The following KCNJ16 variants were observed in gnomAD, a reference collection of about 807,000 sequenced individuals.
The protein encoded by KCNJ16 is potassium inwardly rectifying channel subfamily J member 16.
A neutral mutation model predicts 18.5 loss-of-function variants in KCNJ16; 15 were observed. The observed-to-expected ratio is 0.81, with a 90% confidence interval of 0.54 to 1.25. KCNJ16 has a LOEUF of 1.25. Among genes scored for constraint, KCNJ16 ranks in the 50% most tolerant of loss-of-function variants. The pLI, the probability that KCNJ16 is intolerant of heterozygous loss-of-function variation, is 0.00. For missense variants in KCNJ16, 523 were observed against 525.7 expected (o/e 0.99, Z 0.05); for synonymous variants, 174 against 186.5 (o/e 0.93, Z 0.55).
At chr17:70,079,225 A>C (rs1042089906) in intron 1 of KCNJ16, among the ~76,000 whole-genome samples, 15 of 152,198 alleles carry the variant, frequency 9.9e-5, no homozygotes, top group Admixed American at 8.5e-4. Flanking sequence ...AGTATGCCAG[A>C]ATAGGAAACT....
chr17:70,083,436 G>A (rs1197438997), intron 1 of KCNJ16, among the ~76,000 whole-genome samples: 1 of 151,606 alleles, frequency 6.6e-6, no homozygotes, highest in Non-Finnish European at 1.5e-5. Flanking sequence ...CAACGATGGG[G>A]TGCATATATG....
chr17:70,094,122 G>A (rs751841043), intron 1 of KCNJ16, among the ~76,000 whole-genome samples: 3 of 152,124 alleles, frequency 2.0e-5, no homozygotes, highest in Non-Finnish European at 4.4e-5. Flanking sequence ...AATGTCTCTT[G>A]TGCCCCAGAC....
intron 1 of KCNJ16, among the ~76,000 whole-genome samples, chr17:70,096,013 G>A (rs945558357): frequency 6.6e-6 from 1 of 150,850 alleles, no homozygotes; most frequent in Non-Finnish European, 1.5e-5. Flanking sequence ...CTCCCGAGTA[G>A]CTGGGACTAC....
Position 70,133,260 on chromosome 17 carries a change from T to G in KCNJ16, c.1173T>G (p.Thr391=), listed in dbSNP as rs755007473. The G allele has an allele frequency of 1.9e-6, 3 of 1,614,144 alleles. No individual in the cohort carries two copies. Among genetic ancestry groups the G allele is most frequent in the Non-Finnish European group, 2.5e-6 (3 of 1,180,020 alleles). Residue 391 remains threonine (T), a synonymous_variant, in exon 4 of 4, where the codon ACT becomes ACG. Transcript: ENST00000392671. ...SSCENPEETT[T]SATHEYRETP... Reference sequence around the variant, plus strand: ...GTGAAAACCCTGAGGAGACCACCACTTCCGCCACACATGAATATAGGGAAA... The same window carrying G: ...GTGAAAACCCTGAGGAGACCACCACGTCCGCCACACATGAATATAGGGAAA...
At chr17:70,121,439 T>A (rs2073635075) in intron 2 of KCNJ16, among the ~76,000 whole-genome samples, 1 of 152,168 alleles carries the variant, frequency 6.6e-6, no homozygotes. Context: ...ACCCCAGTGT[T>A]TGTTAGTGAA....
At chr17:70,098,310 C>A (rs894628172) in intron 1 of KCNJ16, among the ~76,000 whole-genome samples, 19 of 152,084 alleles carry the variant, frequency 1.2e-4, no homozygotes, top group African/African-American at 3.6e-4. Context: ...CATATTCGTG[C>A]TTTGAAGAAT....
At chr17:70,120,145 A>G (rs2073572878) in intron 2 of KCNJ16, among the ~76,000 whole-genome samples, 1 of 152,190 alleles carries the variant, frequency 6.6e-6, no homozygotes, top group South Asian at 2.1e-4. Context: ...CAGAGGCACA[A>G]TGCAGCCAAG....
intron 1 of KCNJ16, chr17:70,096,775 T>C: frequency 2.6e-6 from 1 of 387,620 alleles, no homozygotes; most frequent in East Asian, 3.6e-5. Flanking sequence ...CGTGAATGGA[T>C]ATTAGAGTTT....
chr17:70,121,572 T>G (rs2073639354), intron 2 of KCNJ16, among the ~76,000 whole-genome samples: 1 of 152,148 alleles, frequency 6.6e-6, no homozygotes, highest in Non-Finnish European at 1.5e-5. Flanking sequence ...ATTATGCAAA[T>G]TATTCTAATT....
intron 2 of KCNJ16, among the ~76,000 whole-genome samples, chr17:70,105,825 C>T (rs547493498): frequency 1.3e-5 from 2 of 152,268 alleles, no homozygotes; most frequent in African/African-American, 4.8e-5. Flanking sequence ...GAAGAAGTGG[C>T]ACAAGTTGAA....
intron 2 of KCNJ16, among the ~76,000 whole-genome samples, chr17:70,116,306 G>A (rs1464540093): frequency 2.6e-5 from 4 of 151,746 alleles, no homozygotes; most frequent in Admixed American, 6.6e-5. Context: ...TCATATGATT[G>A]TACCATTACC....
intron 2 of KCNJ16, among the ~76,000 whole-genome samples, chr17:70,103,296 G>GTGTGTGTGTGTATATATATATATATA (rs1408960241): frequency 1.0e-3 from 74 of 72,038 alleles, no homozygotes; most frequent in African/African-American, 3.1e-3. Context: ...ATGTGTGTGT[G>GTGTGTGTGTGTATATATATATATATA]TATATATATA....
At chr17:70,126,642 G>A (rs539085310) in intron 2 of KCNJ16, among the ~76,000 whole-genome samples, 4 of 152,304 alleles carry the variant, frequency 2.6e-5, no homozygotes, top group East Asian at 3.9e-4. Context: ...ACTGGGGTCC[G>A]CCTCCTGATT....
chr17:70,122,129 G>A (rs2073664203), intron 2 of KCNJ16, among the ~76,000 whole-genome samples: 1 of 151,960 alleles, frequency 6.6e-6, no homozygotes, highest in Non-Finnish European at 1.5e-5. Context: ...TAGTTGACAT[G>A]ATGATTTAAG....
intron 1 of KCNJ16, among the ~76,000 whole-genome samples, chr17:70,093,398 C>A (rs1457168981): frequency 6.6e-6 from 1 of 152,190 alleles, no homozygotes; most frequent in Non-Finnish European, 1.5e-5. Context: ...TGCAATTCAT[C>A]TTCACCTGAA....
chr17:70,075,699 T>G (rs1483168715), intron 1 of KCNJ16, among the ~76,000 whole-genome samples: 1 of 152,174 alleles, frequency 6.6e-6, no homozygotes, highest in African/African-American at 2.4e-5. Flanking sequence ...TTTATTATAT[T>G]CATACCACAT....
chr17:70,078,347 C>T (rs944019065), intron 1 of KCNJ16, among the ~76,000 whole-genome samples: 6 of 54,046 alleles, frequency 1.1e-4, no homozygotes, highest in Middle Eastern at 6.4e-3. Flanking sequence ...TATCCAACAA[C>T]TCCGCATAAA....
At chr17:70,082,971 T>A (rs2071619515) in intron 1 of KCNJ16, among the ~76,000 whole-genome samples, 4 of 152,076 alleles carry the variant, frequency 2.6e-5, no homozygotes. Flanking sequence ...AATATTTCCC[T>A]CATTCATTTA....
At chr17:70,124,121 T>A (rs770536228) in intron 2 of KCNJ16, among the ~76,000 whole-genome samples, 5 of 152,132 alleles carry the variant, frequency 3.3e-5, no homozygotes, top group Non-Finnish European at 5.9e-5. Flanking sequence ...GGGAGCAAGG[T>A]CTGAGTTGAG....
Sources: allele counts gnomAD v4.1 joint callset (sites outside exome capture counted in the v4.1 genomes callset), GRCh38; gene constraint gnomAD v4.1.1; transcripts MANE v1.5; gene names NCBI Gene and HGNC (gene_info 2026-07-23, HGNC 2026-07-21).